The following DUSP11 variants were observed in gnomAD, a reference collection of about 807,000 sequenced individuals.
The protein encoded by DUSP11 is dual specificity phosphatase 11.
DUSP11 carries 27 observed loss-of-function variants against 41.4 expected under a neutral mutation model. The ratio of observed to expected loss-of-function variants is 0.65; its 90% CI spans 0.48 to 0.90. The LOEUF (loss-of-function observed/expected upper bound fraction) is 0.90, where lower values mean the gene tolerates loss of function less well. Among genes scored for constraint, DUSP11 ranks in the 40% least tolerant of loss-of-function variants. The pLI is 0.00. For missense variants in DUSP11, 465 were observed against 461.1 expected, an observed-to-expected ratio of 1.01 and a Z score of -0.08; for synonymous variants, 188 against 159.3, an observed-to-expected ratio of 1.18 and a Z score of -1.35.
chr2:73,779,464 T>C (rs1441445162), intron 1 of DUSP11: 2 of 206,822 alleles, frequency 9.7e-6, no homozygotes, highest in Non-Finnish European at 2.0e-5. Context: ...CTGGAAACAA[T>C]ACAAACCAAC....
intron 2 of DUSP11, among the ~76,000 whole-genome samples, chr2:73,777,629 G>A (rs933660663): frequency 1.3e-5 from 2 of 152,220 alleles, no homozygotes; most frequent in Non-Finnish European, 2.9e-5. Context: ...TGGAAGGAAA[G>A]GAGTCCCACT....
At chr2:73,773,178 GC>G (rs1312480692) in intron 4 of DUSP11, 1 of 152,466 alleles carries the variant, frequency 6.6e-6, no homozygotes, top group Admixed American at 6.5e-5. Context: ...GAAAGCACCA[GC>G]CTTTGGCTTA....
chr2:73,772,389 C>A (rs1009440537), intron 4 of DUSP11, among the ~76,000 whole-genome samples: 1 of 152,140 alleles, frequency 6.6e-6, no homozygotes, highest in African/African-American at 2.4e-5. Context: ...TGATTATAAA[C>A]AAGGTCCCAA....
intron 5 of DUSP11, chr2:73,767,439 T>C: frequency 2.7e-6 from 1 of 367,226 alleles, no homozygotes; most frequent in Non-Finnish European, 4.8e-6. Context: ...TTTATTTACA[T>C]TAATGTAATT....
At chr2:73,773,562 A>T (rs764197806) in intron 4 of DUSP11, 5 of 427,880 alleles carry the variant, frequency 1.2e-5, no homozygotes, top group Non-Finnish European at 2.1e-5. Context: ...AAATTAAAAA[A>T]GAAAGATGAG....
At chr2:73,764,138 T>C (rs1285177572) in intron 8 of DUSP11, among the ~76,000 whole-genome samples, 1 of 152,234 alleles carries the variant, frequency 6.6e-6, no homozygotes. Flanking sequence ...CTTTGAAGTA[T>C]TTCCTTAAGT....
chr2:73,779,956 G>A lies in DUSP11; in HGVS notation c.160C>T (p.Pro54Ser), dbSNP rs539543674. ...CGTCTCCGGCCCCAGCCACTGCGGG[G>A]ATGATGCCACTGGCTCATGTGGGTC... Residue 54 changes from proline to serine, a missense_variant, in exon 1 of 9, where the codon CCC becomes TCC. Pro to Ser is a moderately conservative substitution (Grantham distance 74). Transcript: ENST00000272444. The A allele has an allele frequency of 8.7e-6, 14 of 1,614,254 alleles. No homozygotes were observed. The South Asian group carries it at 1.3e-4, about 15-fold the overall frequency.
At chr2:73,767,255 AT>A (rs1400549372) in intron 5 of DUSP11, 48 bp from the exon 6 acceptor site, 1 of 1,517,018 alleles carries the variant, frequency 6.6e-7, no homozygotes, top group African/African-American at 1.4e-5. Flanking sequence ...AAAGAAAAAA[AT>A]CAAGTTTTTT....
At chr2:73,769,227 C>G in intron 5 of DUSP11, 38 bp downstream of exon 5, 1 of 1,570,472 alleles carries the variant, frequency 6.4e-7, no homozygotes, top group Non-Finnish European at 8.7e-7. Flanking sequence ...CAGACAAAAA[C>G]AATTTAAAAT....
In DUSP11 at chr2:73,766,732, A is replaced by C. The variant is rs1672473404; in HGVS notation, c.758+96T>G. 2.2e-6 allele frequency: 3 copies of C among 1,382,826 alleles called. No individual in the cohort carries two copies. In the Admixed American group the frequency reaches 5.7e-5, roughly 26 times the overall value. The allele number at this position is 1,382,826 out of a possible 1,614,324, so 85.7% of individuals were successfully genotyped here. A position where few individuals can be genotyped will look rare whatever the true frequency, so the allele number is the denominator to read the frequency against. On this transcript the variant is annotated intron_variant, in intron 7 of 8. Transcript: ENST00000272444. ...TTGTTTACATCTCCCCCCAACAAAC[A>C]AACAAGCTACCAGAAGAATGAACAT...
chr2:73,773,598 AAACTAATTT>A, intron 4 of DUSP11, 193 bp downstream of exon 4: 1 of 488,596 alleles, frequency 2.0e-6, no homozygotes, highest in East Asian at 3.6e-5. Context: ...TTTTGCACTA[AAACTAATTT>A]AACATTCCAA....
chr2:73,777,299 C>T (rs1456123626), intron 2 of DUSP11, among the ~76,000 whole-genome samples: 1 of 151,908 alleles, frequency 6.6e-6, no homozygotes, highest in Non-Finnish European at 1.5e-5. Flanking sequence ...TTTTTAAGCC[C>T]AGACATGCAG....
At chr2:73,771,721 C>T (rs1253140714) in intron 4 of DUSP11, among the ~76,000 whole-genome samples, 1 of 146,174 alleles carries the variant, frequency 6.8e-6, no homozygotes, top group Non-Finnish European at 1.5e-5. Flanking sequence ...TCAGGATGGT[C>T]TCGATCTCCT....
At chr2:73,774,329 T>C (rs1040001289) in intron 3 of DUSP11, among the ~76,000 whole-genome samples, 4 of 152,152 alleles carry the variant, frequency 2.6e-5, no homozygotes, top group Non-Finnish European at 5.9e-5. Context: ...TAGAGGGAAT[T>C]CCAGGCACTA....
intron 8 of DUSP11, among the ~76,000 whole-genome samples, chr2:73,765,034 T>C (rs182143943): frequency 2.0e-5 from 3 of 152,240 alleles, no homozygotes; most frequent in Non-Finnish European, 4.4e-5. Flanking sequence ...TTTGTGATAG[T>C]TAATTTTAGG....
At chr2:73,774,071 T>C (rs997896298) in intron 3 of DUSP11, 148 bp from the exon 4 acceptor site, 3 of 560,828 alleles carry the variant, frequency 5.3e-6, no homozygotes, top group Non-Finnish European at 8.4e-6. Context: ...AAAAGAGCCA[T>C]TTTTTCCAAC....
At chr2:73,767,340 C>G in intron 5 of DUSP11, 133 bp from the exon 6 acceptor site, 1 of 702,464 alleles carries the variant, frequency 1.4e-6, no homozygotes, top group Non-Finnish European at 2.4e-6. Flanking sequence ...TCAAATCCAG[C>G]AGTTATTAAA....
At chr2:73,766,293 A>G (rs1389448380) in intron 8 of DUSP11, 125 bp downstream of exon 8, 5 of 885,266 alleles carry the variant, frequency 5.6e-6, no homozygotes, top group Non-Finnish European at 6.7e-6. Flanking sequence ...TGGATGACAG[A>G]GCGAGACTCT....
chr2:73,779,891 T>C (rs755268713), exon 1 of DUSP11: 7 of 1,614,094 alleles, frequency 4.3e-6, no homozygotes, highest in Non-Finnish European at 5.1e-6. Context: ...GGATGTGGTT[T>C]CCGCCCTTCT....
Sources: allele counts gnomAD v4.1 joint callset (sites outside exome capture counted in the v4.1 genomes callset), GRCh38; gene constraint gnomAD v4.1.1; transcripts MANE v1.5; gene names NCBI Gene and HGNC (gene_info 2026-07-23, HGNC 2026-07-21).